Variants in CCDC138 observed in about 807,000 individuals in gnomAD.
The protein encoded by CCDC138 is coiled-coil domain containing 138.
In CCDC138, 66 loss-of-function variants were observed where a neutral mutation model predicts 82.3. The observed-to-expected ratio is 0.80, with a 90% CI of 0.66 to 0.98. The LOEUF (loss-of-function observed/expected upper bound fraction) is 0.98, where lower values mean the gene tolerates loss of function less well. Among genes scored for constraint, CCDC138 ranks in the 50% least tolerant of loss-of-function variants. The pLI is 0.00. For missense variants in CCDC138, 816 were observed against 758.9 expected (o/e 1.08, Z -0.88); for synonymous variants, 297 against 265.4 (o/e 1.12, Z -1.16).
chr2:108,851,820 C>T (rs1691559005), intron 12 of CCDC138, among the ~76,000 whole-genome samples: 2 of 152,048 alleles, frequency 1.3e-5, no homozygotes, highest in African/African-American at 2.4e-5. Context: ...ACTAATGAGA[C>T]GAAAACCTAT....
chr2:108,805,767 A>C (rs969718071), intron 7 of CCDC138, among the ~76,000 whole-genome samples: 2 of 152,112 alleles, frequency 1.3e-5, no homozygotes, highest in Non-Finnish European at 2.9e-5. Flanking sequence ...ATAATACCAG[A>C]GTTGCATAAC....
intron 10 of CCDC138, among the ~76,000 whole-genome samples, chr2:108,827,358 AAAAT>A (rs1361523512): frequency 5.9e-5 from 9 of 152,350 alleles, no homozygotes; most frequent in African/African-American, 1.9e-4. Context: ...CAAAGCTAGT[AAAAT>A]AAATAAAAGA....
chr2:108,804,112 GTA>G (rs1437732633), intron 6 of CCDC138, among the ~76,000 whole-genome samples: 2 of 151,884 alleles, frequency 1.3e-5, no homozygotes, highest in African/African-American at 4.8e-5. Flanking sequence ...TTTTTATTAA[GTA>G]TAAGGATAAC....
chr2:108,828,578 C>T (rs1286978679), intron 10 of CCDC138, among the ~76,000 whole-genome samples: 5 of 152,150 alleles, frequency 3.3e-5, no homozygotes, highest in African/African-American at 1.2e-4. Context: ...GACAAGCGTA[C>T]GGAGACCACT....
intron 3 of CCDC138, among the ~76,000 whole-genome samples, chr2:108,789,210 G>T (rs1249346762): frequency 6.6e-6 from 1 of 152,154 alleles, no homozygotes; most frequent in African/African-American, 2.4e-5. Flanking sequence ...TTTATATAAT[G>T]TAAAAGATGA....
intron 9 of CCDC138, among the ~76,000 whole-genome samples, chr2:108,813,662 CT>C (rs923412973): frequency 2.0e-5 from 3 of 151,992 alleles, no homozygotes; most frequent in African/African-American, 7.3e-5. Flanking sequence ...TGCAGAAATC[CT>C]TTAGTGTAAA....
At chr2:108,820,699 C>CAAAAAAAAA (rs764017401) in intron 10 of CCDC138, among the ~76,000 whole-genome samples, 57 of 62,552 alleles carry the variant, frequency 9.1e-4, no homozygotes, top group African/African-American at 3.0e-3. Flanking sequence ...ATTCAAAGTG[C>CAAAAAAAAA]AAAAAAAAAA....
chr2:108,881,363 A>G (rs757426553), downstream of CCDC138, among the ~76,000 whole-genome samples: 7 of 152,198 alleles, frequency 4.6e-5, no homozygotes, highest in Non-Finnish European at 8.8e-5. Flanking sequence ...GGGCCTTGCT[A>G]TGGATTAGGC....
Position 108,798,524 on chromosome 2 carries a change from G to A in CCDC138, c.673G>A (p.Ala225Thr). 1 of 1,613,824 alleles carries A rather than the reference G, an allele frequency of 6.2e-7. No individual in the cohort carries two copies. Among genetic ancestry groups the A allele is most frequent in the East Asian group, 2.2e-5 (1 of 44,850 alleles). Residue 225 changes from alanine to threonine, a missense_variant, in exon 6 of 15, where the codon GCC becomes ACC. Physicochemically the swap from Ala to Thr is moderately conservative, Grantham distance 58 (BLOSUM62 0). Transcript: ENST00000295124. Reference protein sequence around the residue: ...REQLLFRHENALSKIKGVEEE... With the variant: ...REQLLFRHENTLSKIKGVEEE... ...ACAACTGCTTTTCAGACATGAAAAT[G>A]CCTTGAGTAAAATTAAAGGTGTTGA...
At chr2:108,857,464 C>T (rs1003823946) in intron 13 of CCDC138, among the ~76,000 whole-genome samples, 1 of 151,976 alleles carries the variant, frequency 6.6e-6, no homozygotes, top group Non-Finnish European at 1.5e-5. Flanking sequence ...CCAGGGATTC[C>T]CCAGCTAAAC....
intron 5 of CCDC138, among the ~76,000 whole-genome samples, chr2:108,796,035 A>G (rs761574961): frequency 2.6e-5 from 4 of 152,116 alleles, no homozygotes; most frequent in South Asian, 4.1e-4. Context: ...TAATCAGTCT[A>G]TAGTTTATTT....
At chr2:108,789,020 G>A (rs1679454310) in intron 3 of CCDC138, 54 bp downstream of exon 3, 3 of 1,592,064 alleles carry the variant, frequency 1.9e-6, no homozygotes, top group Non-Finnish European at 2.6e-6. Context: ...TCAAAAAACT[G>A]AGAAAGAGAA....
At chr2:108,864,058 T>A (rs954660733) in intron 13 of CCDC138, among the ~76,000 whole-genome samples, 57 of 152,228 alleles carry the variant, frequency 3.7e-4, no homozygotes, top group African/African-American at 1.4e-3. Flanking sequence ...TAGACAATAA[T>A]AGATGATGTG....
At chr2:108,805,775 A>G (rs115849674) in intron 7 of CCDC138, among the ~76,000 whole-genome samples, 1,925 of 152,254 alleles carry the variant, frequency 0.013, 48 homozygotes, top group African/African-American at 0.045. Context: ...AGAGTTGCAT[A>G]ACATAAATAG....
intron 13 of CCDC138, among the ~76,000 whole-genome samples, chr2:108,867,113 GT>G (rs1345157719): frequency 6.6e-6 from 1 of 152,036 alleles, no homozygotes; most frequent in Non-Finnish European, 1.5e-5. Flanking sequence ...GCTTAGCTAT[GT>G]TTTTATATAT....
At position 108,876,126 on chromosome 2, in the gene CCDC138, T is replaced by G. The variant is rs1367281073; in HGVS notation, c.1871T>G (p.Leu624Arg). Reference protein sequence around the residue: ...KKLFELFTIHLMLQEIQRTTN... With the variant: ...KKLFELFTIHRMLQEIQRTTN... ...CTCTTTGAACTTTTTACGATTCATCTGATGCTTCAAGAAATACAAAGGACA... is the reference window on the plus strand; with the variant it reads ...CTCTTTGAACTTTTTACGATTCATCGGATGCTTCAAGAAATACAAAGGACA... The change falls in exon 15 of 15, where the codon CTG becomes CGG. Residue 624 changes from leucine to arginine, a missense_variant. Physicochemically the swap from Leu to Arg is moderately radical, Grantham distance 102. Coordinates refer to ENST00000295124, the MANE Select transcript of CCDC138 (RefSeq NM_144978.3). 1.2e-6 allele frequency: 2 copies of G among 1,606,060 alleles called. No homozygotes were observed. The highest frequency in any genetic ancestry group is 1.7e-6 in the Non-Finnish European group (2 of 1,172,966).
chr2:108,874,287 T>C (rs1343507741), intron 14 of CCDC138, among the ~76,000 whole-genome samples: 2 of 152,194 alleles, frequency 1.3e-5, no homozygotes, highest in South Asian at 4.1e-4. Flanking sequence ...TAGTAAACTC[T>C]TATGGACTGC....
At chr2:108,861,319 C>G (rs1693569631) in intron 13 of CCDC138, among the ~76,000 whole-genome samples, 1 of 151,860 alleles carries the variant, frequency 6.6e-6, no homozygotes. Context: ...CTTTTAGTCT[C>G]AACTTCATTT....
rs1380788680 is a variant in CCDC138, at chr2:108,786,791, T to A, written c.-32T>A. The A allele has an allele frequency of 1.9e-6, 3 of 1,560,732 alleles. No individual in the cohort carries two copies. The highest frequency in any genetic ancestry group is 2.6e-6 in the Non-Finnish European group (3 of 1,149,750). On this transcript the variant is annotated 5_prime_UTR_variant, in exon 1 of 15. Transcript: ENST00000295124. ...GCGCCGCGGGTTTGATGAACGCGGT[T>A]CCCGGGGAGACTGGTACGGTTGCTG...
Sources: allele counts gnomAD v4.1 joint callset (sites outside exome capture counted in the v4.1 genomes callset), GRCh38; gene constraint gnomAD v4.1.1; transcripts MANE v1.5; gene names NCBI Gene and HGNC (gene_info 2026-07-23, HGNC 2026-07-21).